Variants in DCHS2 observed in about 807,000 individuals in gnomAD.
DCHS2 encodes the protein protocadherin-23.
A neutral mutation model predicts 182.4 loss-of-function variants in DCHS2; 142 were observed. The ratio of observed to expected loss-of-function variants is 0.78; its 90% CI spans 0.68 to 0.89. DCHS2 has a LOEUF of 0.89. DCHS2 is among the 40% of genes least tolerant of loss of function. The pLI, the probability that DCHS2 is intolerant of heterozygous loss-of-function variation, is 0.00. For missense variants in DCHS2, 4,319 were observed against 4,198.6 expected (o/e 1.03, Z -0.79); for synonymous variants, 1,740 against 1,663.3 (o/e 1.05, Z -1.12).
chr4:154,302,738 G>T (rs1735250681), intron 12 of DCHS2, among the ~76,000 whole-genome samples: 1 of 150,964 alleles, frequency 6.6e-6, no homozygotes, highest in Non-Finnish European at 1.5e-5. Flanking sequence ...GGACCATGAA[G>T]AGACATGCAG....
intron 8 of DCHS2, 107 bp from the exon 9 acceptor site, chr4:154,321,329 C>A: frequency 1.7e-6 from 2 of 1,207,500 alleles, no homozygotes; most frequent in South Asian, 2.4e-5. Context: ...TGTATGTGAT[C>A]ATATGTTAAT....
Position 154,366,202 on chromosome 4 carries a change from T to G in DCHS2, c.2476+8A>C, listed in dbSNP as rs1184972604. ...CCAAAGGATGAAAACTGTTCCAAGA[T>G]CACATACCTGTGGTGGAGTCAATGG... On this transcript the variant is annotated splice_region_variant and intron_variant, in intron 3 of 19. Transcript: ENST00000357232. The G allele has an allele frequency of 1.9e-6, 3 of 1,605,266 alleles. No individual in the cohort carries two copies. Among genetic ancestry groups the G allele is most frequent in the Non-Finnish European group, 2.6e-6 (3 of 1,172,482 alleles).
At chr4:154,383,809 A>T (rs116032557) in intron 1 of DCHS2, among the ~76,000 whole-genome samples, 1,790 of 152,194 alleles carry the variant, frequency 0.012, 26 homozygotes, top group Non-Finnish European at 0.02. Flanking sequence ...TGTACACTCA[A>T]CTCAGCAAAA....
intron 1 of DCHS2, among the ~76,000 whole-genome samples, chr4:154,448,069 C>T (rs1341703700): frequency 6.6e-6 from 1 of 152,164 alleles, no homozygotes; most frequent in Non-Finnish European, 1.5e-5. Flanking sequence ...TTACTGCACT[C>T]AGTTCCTTGC....
intron 3 of DCHS2, 193 bp from the exon 4 acceptor site, chr4:154,335,297 T>C (rs564037574): frequency 1.7e-6 from 1 of 571,508 alleles, no homozygotes; most frequent in South Asian, 2.0e-5. Flanking sequence ...GACATTAACA[T>C]TTAAATCTGT....
chr4:154,355,332 C>T (rs1729810646), intron 3 of DCHS2, among the ~76,000 whole-genome samples: 1 of 37,256 alleles, frequency 2.7e-5, no homozygotes, highest in Non-Finnish European at 6.2e-5. Context: ...GAGGCACTCC[C>T]ATCAGCTATG....
intron 2 of DCHS2, chr4:154,373,956 C>G: frequency 1.3e-6 from 2 of 1,587,272 alleles, no homozygotes; most frequent in Non-Finnish European, 1.7e-6. Context: ...TCTGCTCATC[C>G]TGAAAACAAT....
At position 154,320,680 on chromosome 4, in the gene DCHS2, G is replaced by A. The variant is rs1736023854; in HGVS notation, c.4719C>T (p.Ser1573=). The change falls in exon 9 of 20, where the codon TCC becomes TCT. Residue 1573 remains serine (S), a synonymous_variant. Transcript: ENST00000357232. ...HPSFGTLVTV[S]RLDRESIPTV... ...TTGGAATGCTTTCTCTGTCAAGACG[G>A]GACACAGTGACTAGTGTGCCAAATG... The A allele has an allele frequency of 6.2e-7, 1 of 1,614,048 alleles. No individual in the cohort carries two copies. Among genetic ancestry groups the A allele is most frequent in the East Asian group, 2.2e-5 (1 of 44,878 alleles).
chr4:154,395,174 C>T (rs1255595739), intron 1 of DCHS2, among the ~76,000 whole-genome samples: 1 of 152,162 alleles, frequency 6.6e-6, no homozygotes, highest in Non-Finnish European at 1.5e-5. Context: ...CTGTTTATAT[C>T]ATTAAGGGCA....
intron 1 of DCHS2, among the ~76,000 whole-genome samples, chr4:154,435,690 C>A (rs967949513): frequency 1.1e-4 from 17 of 152,016 alleles, no homozygotes; most frequent in African/African-American, 4.1e-4. Flanking sequence ...GATTTTATAT[C>A]CTCTCATTTA....
chr4:154,240,866 C>T lies in DCHS2; in HGVS notation c.7073-43G>A, dbSNP rs1380854345. The T allele has an allele frequency of 1.9e-6, 3 of 1,598,952 alleles. No individual in the cohort carries two copies. The South Asian group carries it at 3.3e-5, about 18-fold the overall frequency. ...AGTGTCAGTCTCCATTAAAATTCAT[C>T]CTTTGAAATACATTTCTTTAGTAGT... On this transcript the variant is annotated intron_variant, in intron 17 of 19. Transcript: ENST00000357232.
chr4:154,391,107 T>C, intron 1 of DCHS2: 1 of 1,463,140 alleles, frequency 6.8e-7, no homozygotes, highest in South Asian at 1.2e-5. Flanking sequence ...CATATGTAAT[T>C]TAGCAGAAGG....
At chr4:154,237,899 C>T (rs185150600) in intron 19 of DCHS2, among the ~76,000 whole-genome samples, 11 of 152,168 alleles carry the variant, frequency 7.2e-5, no homozygotes, top group African/African-American at 2.7e-4. Flanking sequence ...GAATCAATAG[C>T]TTAGTGCGTT....
chr4:154,330,553 AT>A (rs1166396155), intron 5 of DCHS2, among the ~76,000 whole-genome samples: 1 of 152,172 alleles, frequency 6.6e-6, no homozygotes, highest in Non-Finnish European at 1.5e-5. Flanking sequence ...TCTGCCAAGC[AT>A]TGATTTCCTC....
chr4:154,357,645 A>G (rs751021305), intron 3 of DCHS2, among the ~76,000 whole-genome samples: 5 of 152,134 alleles, frequency 3.3e-5, no homozygotes, highest in Non-Finnish European at 5.9e-5. Context: ...ATGTATTTTC[A>G]TACTTTCTTG....
At position 154,254,692 on chromosome 4, in the gene DCHS2, C is replaced by T. The variant is rs532829522; in HGVS notation, c.6941+827G>A. 3.9e-5 allele frequency among the ~76,000 whole-genome samples: 6 copies of T among 152,258 alleles called. No homozygotes were observed. The East Asian group carries it at 1.2e-3, about 29-fold the overall frequency. On this transcript the variant is annotated intron_variant, in intron 16 of 19. Coordinates refer to ENST00000357232, the MANE Select transcript of DCHS2 (RefSeq NM_001358235.2). The stretch of plus-strand genomic sequence containing the variant: ...TCTCTACTAAAAATACAAAAATTAA[C>T]CACGCATGGTGGCAGGTGGCTGTAA...
chr4:154,232,404 G>C lies in DCHS2; in HGVS notation c.*2132C>G, dbSNP rs1445460520. 2.0e-5 allele frequency: 3 copies of C among 152,050 alleles called. No individual in the cohort carries two copies. The highest frequency in any genetic ancestry group is 2.9e-5 in the Non-Finnish European group (2 of 68,004). The allele number at this position is 152,050 out of a possible 1,614,324, so 9.4% of individuals were successfully genotyped here. On this transcript the variant is annotated 3_prime_UTR_variant, in exon 20 of 20. Transcript: ENST00000357232. ...AAATCCATTAAATATTGGTAAAAAA[G>C]CTCTATTACATGTCTTCTCTTGTTA...
intron 5 of DCHS2, chr4:154,331,452 T>C (rs964014333): frequency 3.1e-6 from 3 of 961,032 alleles, no homozygotes; most frequent in Admixed American, 2.8e-5. Flanking sequence ...TCATCCCATA[T>C]AGCTGTATGG....
intron 3 of DCHS2, among the ~76,000 whole-genome samples, chr4:154,342,672 T>C (rs1729163535): frequency 6.6e-6 from 1 of 152,222 alleles, no homozygotes; most frequent in Non-Finnish European, 1.5e-5. Context: ...GCAGCAATTC[T>C]GTCACATCTT....
Sources: gnomAD v4.1 joint callset for allele counts (sites outside exome capture counted in the v4.1 genomes callset) on GRCh38, gnomAD v4.1.1 for gene constraint, MANE v1.5 for transcripts, NCBI Gene and HGNC (gene_info 2026-07-23, HGNC 2026-07-21) for gene names.